The following DNAJC6 variants were observed in gnomAD, a reference collection of about 807,000 sequenced individuals.
The protein encoded by DNAJC6 is DnaJ heat shock protein family (Hsp40) member C6, also known as auxilin.
Under a neutral mutation model 110.0 loss-of-function variants are expected in DNAJC6, and 34 were observed. The observed-to-expected ratio is 0.31, with a 90% CI of 0.24 to 0.41. The LOEUF is 0.41. Among genes scored for constraint, DNAJC6 ranks in the 10% least tolerant of loss-of-function variants. The pLI is 1.00. For synonymous variants in DNAJC6, 406 were observed against 437.2 expected (o/e 0.93, Z 0.89); for missense variants, 1,031 against 1,207.8 (o/e 0.85, Z 2.17).
intron 1 of DNAJC6, among the ~76,000 whole-genome samples, chr1:65,335,832 C>G (rs916004655): frequency 1.3e-5 from 2 of 152,106 alleles, no homozygotes; most frequent in African/African-American, 4.8e-5. Flanking sequence ...AGAAGAGTAA[C>G]ATTTGCCTTA....
chr1:65,311,644 T>G (rs966445773), intron 1 of DNAJC6, among the ~76,000 whole-genome samples: 5 of 152,188 alleles, frequency 3.3e-5, no homozygotes, highest in African/African-American at 1.2e-4. Flanking sequence ...TTAAAAAGAT[T>G]CATGTTCTCT....
At chr1:65,282,270 G>A (rs1653877997) in intron 1 of DNAJC6, among the ~76,000 whole-genome samples, 1 of 150,898 alleles carries the variant, frequency 6.6e-6, no homozygotes, top group Admixed American at 6.6e-5. Flanking sequence ...TTCAAGTTTG[G>A]AAAAAAAAAG....
intron 1 of DNAJC6, among the ~76,000 whole-genome samples, chr1:65,302,263 ATATT>A (rs1050648951): frequency 7.2e-4 from 14 of 19,322 alleles, no homozygotes; most frequent in African/African-American, 3.7e-3. Flanking sequence ...AATATTATAT[ATATT>A]ATATATTATA....
At chr1:65,411,911 C>A (rs933485993) in intron 18 of DNAJC6, among the ~76,000 whole-genome samples, 1 of 152,120 alleles carries the variant, frequency 6.6e-6, no homozygotes, top group Admixed American at 6.5e-5. Context: ...ATCAAGGCTG[C>A]AGTGAGCTGA....
chr1:65,267,632 G>C (rs1192499014), intron 1 of DNAJC6, among the ~76,000 whole-genome samples: 1 of 152,004 alleles, frequency 6.6e-6, no homozygotes, highest in African/African-American at 2.4e-5. Flanking sequence ...CTCAGTAATG[G>C]TTTTCAAGGA....
At chr1:65,397,373 C>T (rs1405966980) in intron 13 of DNAJC6, among the ~76,000 whole-genome samples, 1 of 152,120 alleles carries the variant, frequency 6.6e-6, no homozygotes, top group Non-Finnish European at 1.5e-5. Context: ...ATTTATTGAA[C>T]ATCTATTCTG....
chr1:65,321,687 A>G (rs765296092), intron 1 of DNAJC6, among the ~76,000 whole-genome samples: 2 of 152,198 alleles, frequency 1.3e-5, no homozygotes, highest in Non-Finnish European at 1.5e-5. Flanking sequence ...ACAATGATCC[A>G]GTGAAGTAGG....
At chr1:65,330,645 T>G (rs1358022519) in intron 1 of DNAJC6, among the ~76,000 whole-genome samples, 1 of 152,148 alleles carries the variant, frequency 6.6e-6, no homozygotes, top group African/African-American at 2.4e-5. Flanking sequence ...TTTTGTGTAT[T>G]TTTAGTAGAG....
chr1:65,366,517 G>T (rs1645648067), intron 4 of DNAJC6, among the ~76,000 whole-genome samples: 1 of 152,198 alleles, frequency 6.6e-6, no homozygotes, highest in South Asian at 2.1e-4. Context: ...AGGGCAGTTG[G>T]CTGCCTTCAT....
chr1:65,351,770 T>TA lies in DNAJC6; in HGVS notation c.194-12865_194-12864insA, dbSNP rs200375627. 2.6e-5 allele frequency among the ~76,000 whole-genome samples: 4 copies of TA among 152,158 alleles called. No homozygotes were observed. In the South Asian group the frequency reaches 6.2e-4, roughly 24 times the overall value. On this transcript the variant is annotated intron_variant, in intron 1 of 18. Coordinates refer to ENST00000371069, the MANE Select transcript of DNAJC6 (RefSeq NM_001256864.2). ...GTGTGTACACACACAGTTATATATA[T>TA]TTTTTTTTTCTTAAGATGGAGTTTC...
upstream of DNAJC6, among the ~76,000 whole-genome samples, chr1:65,304,699 T>C (rs1645020972): frequency 6.6e-6 from 1 of 152,198 alleles, no homozygotes; most frequent in South Asian, 2.1e-4. Flanking sequence ...TAAAGATGTG[T>C]CTTTTGGCAT....
intron 17 of DNAJC6, 47 bp from the exon 18 acceptor site, chr1:65,411,203 A>G (rs1393801026): frequency 1.3e-6 from 2 of 1,577,702 alleles, no homozygotes; most frequent in East Asian, 4.5e-5. Context: ...AACCTTCTGA[A>G]CTAGTAAGTA....
At chr1:65,365,838 C>T (rs180972041) in intron 2 of DNAJC6, 47 bp from the exon 3 acceptor site, 105 of 1,594,110 alleles carry the variant, frequency 6.6e-5, no homozygotes, top group Non-Finnish European at 2.0e-5. Context: ...GAAATCTTGG[C>T]ATATTTGGAT....
At chr1:65,365,705 T>C (rs886208972) in intron 2 of DNAJC6, among the ~76,000 whole-genome samples, 180 bp from the exon 3 acceptor site, 1 of 152,150 alleles carries the variant, frequency 6.6e-6, no homozygotes, top group Non-Finnish European at 1.5e-5. Flanking sequence ...TTTATACCCC[T>C]GAGGTCACGG....
intron 1 of DNAJC6, among the ~76,000 whole-genome samples, chr1:65,297,037 T>A (rs1044606701): frequency 3.3e-5 from 5 of 152,200 alleles, no homozygotes; most frequent in Non-Finnish European, 5.9e-5. Context: ...AAGTGCTATG[T>A]TAGAAGAAGT....
intron 4 of DNAJC6, among the ~76,000 whole-genome samples, chr1:65,378,827 G>A (rs996965790): frequency 6.6e-6 from 1 of 152,088 alleles, no homozygotes; most frequent in African/African-American, 2.4e-5. Flanking sequence ...TCAGAGCCAA[G>A]CAATATTCCT....
chr1:65,400,634 T>C (rs533678924), intron 14 of DNAJC6, among the ~76,000 whole-genome samples: 72 of 152,346 alleles, frequency 4.7e-4, no homozygotes, highest in African/African-American at 1.7e-3. Context: ...TCTCTAGGTT[T>C]ATCCATGTCA....
chr1:65,390,942 C>A (rs1374011583), intron 11 of DNAJC6, among the ~76,000 whole-genome samples: 2 of 152,182 alleles, frequency 1.3e-5, no homozygotes, highest in Admixed American at 1.3e-4. Context: ...TTCCTCTCCA[C>A]TGTCATTTTA....
chr1:65,336,914 G>A (rs547812025), intron 1 of DNAJC6, among the ~76,000 whole-genome samples: 1 of 152,180 alleles, frequency 6.6e-6, no homozygotes, highest in Admixed American at 6.5e-5. Flanking sequence ...TAGTTTGTTT[G>A]AACCAGGATC....
Sources: gnomAD v4.1 joint callset for allele counts (sites outside exome capture counted in the v4.1 genomes callset) on GRCh38, gnomAD v4.1.1 for gene constraint, MANE v1.5 for transcripts, NCBI Gene and HGNC (gene_info 2026-07-23, HGNC 2026-07-21) for gene names.